The following SNTG1 variants were observed in gnomAD, a reference collection of about 807,000 sequenced individuals.
SNTG1 encodes syntrophin gamma 1.
In SNTG1, 39 loss-of-function variants were observed where a neutral mutation model predicts 74.7. The ratio of observed to expected loss-of-function variants is 0.52; its 90% confidence interval spans 0.40 to 0.68. SNTG1 has a LOEUF of 0.68. Among genes scored for constraint, SNTG1 ranks in the 30% least tolerant of loss-of-function variants. The pLI is 0.00. For missense variants in SNTG1, 685 were observed against 609.5 expected (o/e 1.12, Z -1.30); for synonymous variants, 254 against 217.1 (o/e 1.17, Z -1.49).
chr8:50,652,936 A>C (rs1585968228), intron 13 of SNTG1, among the ~76,000 whole-genome samples: 1 of 152,114 alleles, frequency 6.6e-6, no homozygotes, highest in Admixed American at 6.5e-5. Context: ...ATTTCTAGAA[A>C]TAATGTTTGC....
chr8:50,127,057 A>G (rs555554317), intron 1 of SNTG1, among the ~76,000 whole-genome samples: 1 of 152,266 alleles, frequency 6.6e-6, no homozygotes, highest in African/African-American at 2.4e-5. Context: ...AATAAGGACA[A>G]TGGAACGGTG....
chr8:50,666,394 CTTGCT>C lies in SNTG1; in HGVS notation c.1038+7735_1038+7739del, dbSNP rs575292274. Among the ~76,000 whole-genome samples the C allele has an allele frequency of 1.3e-3, 204 of 152,166 alleles. 1 individual carries two copies. The highest frequency in any genetic ancestry group is 0.01 in the Middle Eastern group (3 of 294). On this transcript the variant is annotated intron_variant, in intron 15 of 18. Transcript: ENST00000642720. Reference sequence around the variant, plus strand: ...CCAAGGACTAGACCACATCAGAGTCCTTGCTTTGATGATTGCATTGTGTTTATGTA... The same window carrying C: ...CCAAGGACTAGACCACATCAGAGTCCTTGATGATTGCATTGTGTTTATGTA...
intron 13 of SNTG1, among the ~76,000 whole-genome samples, chr8:50,595,856 G>T (rs1001708064): frequency 1.3e-4 from 20 of 151,738 alleles, no homozygotes; most frequent in Non-Finnish European, 2.4e-4. Flanking sequence ...ACTACCATTT[G>T]TGTATTGTGT....
At chr8:49,985,474 CTTA>C (rs1320679193) in intron 1 of SNTG1, among the ~76,000 whole-genome samples, 3 of 152,068 alleles carry the variant, frequency 2.0e-5, no homozygotes, top group Non-Finnish European at 4.4e-5. Context: ...AATCACATTT[CTTA>C]TTATCTCTGG....
intron 1 of SNTG1, among the ~76,000 whole-genome samples, chr8:50,100,669 T>A (rs1463682121): frequency 6.6e-6 from 1 of 152,172 alleles, no homozygotes; most frequent in African/African-American, 2.4e-5. Flanking sequence ...GAGAAGCTTG[T>A]TAATTAGAGT....
At chr8:50,093,665 G>A (rs1162256001) in intron 1 of SNTG1, among the ~76,000 whole-genome samples, 2 of 152,058 alleles carry the variant, frequency 1.3e-5, no homozygotes, top group African/African-American at 2.4e-5. Context: ...TAAGACCTAC[G>A]AGATGCTAAG....
At chr8:50,512,449 T>C (rs990179814) in intron 9 of SNTG1, among the ~76,000 whole-genome samples, 1 of 152,170 alleles carries the variant, frequency 6.6e-6, no homozygotes, top group African/African-American at 2.4e-5. Context: ...TTTCCTGAAT[T>C]TGAATGTTGG....
In SNTG1 at chr8:50,787,620, G is replaced by T. The variant is rs1465571920; in HGVS notation, c.1396-5051G>T. On this transcript the variant is annotated intron_variant, in intron 18 of 18. Transcript: ENST00000642720. ...ACAACCCAAATGTTCAACAGGTGAT[G>T]AATGGGGAGGAAGAGATATGTCCAT... is the stretch of plus-strand genomic sequence containing the variant. 3.3e-5 allele frequency among the ~76,000 whole-genome samples: 5 copies of T among 152,148 alleles called. No homozygotes were observed. The East Asian group carries it at 5.8e-4, about 18-fold the overall frequency.
intron 2 of SNTG1, among the ~76,000 whole-genome samples, chr8:50,240,275 C>T (rs972876209): frequency 1.3e-5 from 2 of 152,160 alleles, no homozygotes; most frequent in Non-Finnish European, 2.9e-5. Context: ...GGATTCCAAG[C>T]ACTTTTCTTT....
At chr8:50,556,310 A>G (rs1223500093) in intron 12 of SNTG1, among the ~76,000 whole-genome samples, 1 of 152,144 alleles carries the variant, frequency 6.6e-6, no homozygotes, top group Non-Finnish European at 1.5e-5. Context: ...AAAGCAAAGC[A>G]TGGCAGAGGC....
intron 9 of SNTG1, among the ~76,000 whole-genome samples, chr8:50,529,923 A>G (rs1051387188): frequency 7.2e-6 from 1 of 139,500 alleles, no homozygotes; most frequent in Non-Finnish European, 1.6e-5. Flanking sequence ...ATAAGGCTGT[A>G]CATTTTCCTT....
At chr8:50,135,163 C>T (rs2081432448) in intron 1 of SNTG1, among the ~76,000 whole-genome samples, 1 of 152,142 alleles carries the variant, frequency 6.6e-6, no homozygotes, top group Admixed American at 6.5e-5. Context: ...CAAGAAAAGG[C>T]ATGAAAAGTC....
rs545463650 is a variant in SNTG1 at position 49,940,574 on chromosome 8, C to A, written c.-103+28343C>A. On this transcript the variant is annotated intron_variant, in intron 1 of 18. Transcript: ENST00000642720. ...CATTTGGCTTCCTCTCAGGTTTGCT[C>A]AAGGAGAGACAATGTGTTCAACAGA... is the stretch of plus-strand genomic sequence containing the variant. Among the ~76,000 whole-genome samples the A allele has an allele frequency of 5.3e-5, 8 of 152,168 alleles. No individual in the cohort carries two copies. In the East Asian group the frequency reaches 1.5e-3, roughly 29 times the overall value.
At chr8:49,945,217 G>C (rs1178464936) in intron 1 of SNTG1, among the ~76,000 whole-genome samples, 4 of 152,142 alleles carry the variant, frequency 2.6e-5, no homozygotes, top group African/African-American at 9.7e-5. Context: ...GTTCAAAACA[G>C]TGTTGGAAGT....
chr8:50,432,977 TG>T (rs200447308), intron 4 of SNTG1, among the ~76,000 whole-genome samples: 4,224 of 151,920 alleles, frequency 0.028, 186 homozygotes, highest in African/African-American at 0.095. Flanking sequence ...TTAGTAGAGA[TG>T]GGGGTTTCAC....
At chr8:50,316,634 T>C (rs2090327892) in intron 2 of SNTG1, among the ~76,000 whole-genome samples, 7 of 152,182 alleles carry the variant, frequency 4.6e-5, no homozygotes. Context: ...ATACACTTAA[T>C]AATTCAGCAA....
chr8:50,474,314 T>G lies in SNTG1; in HGVS notation c.363+23585T>G, dbSNP rs2093677758. ...ACCTACAAAATGGGAGAAAATTTTC[T>G]CAACCTACTCATCTGACAAAGGGCT... On this transcript the variant is annotated intron_variant, in intron 8 of 18. Coordinates refer to ENST00000642720, the MANE Select transcript of SNTG1 (RefSeq NM_018967.5). Among the ~76,000 whole-genome samples the G allele has an allele frequency of 5.3e-5, 8 of 150,592 alleles. No individual in the cohort carries two copies. The South Asian group carries it at 1.5e-3, about 28-fold the overall frequency.
At chr8:50,166,160 T>C (rs1333487282) in intron 1 of SNTG1, among the ~76,000 whole-genome samples, 2 of 31,416 alleles carry the variant, frequency 6.4e-5, no homozygotes, top group African/African-American at 2.6e-4. Flanking sequence ...CCTAAAACCA[T>C]AAAAACCCTA....
At chr8:50,407,714 G>A (rs751563854) in intron 4 of SNTG1, among the ~76,000 whole-genome samples, 1 of 152,210 alleles carries the variant, frequency 6.6e-6, no homozygotes, top group Non-Finnish European at 1.5e-5. Context: ...TAGATGAAGA[G>A]TTTAATACTT....
Sources: gnomAD v4.1 joint callset for allele counts (sites outside exome capture counted in the v4.1 genomes callset) on GRCh38, gnomAD v4.1.1 for gene constraint, MANE v1.5 for transcripts, NCBI Gene and HGNC (gene_info 2026-07-23, HGNC 2026-07-21) for gene names.